Variants in CDH12 observed in about 807,000 individuals in gnomAD.
CDH12 encodes the protein cadherin 12, also known as cadherin-12.
A neutral mutation model predicts 74.1 loss-of-function variants in CDH12; 41 were observed. The observed-to-expected ratio is 0.55, with a 90% CI of 0.43 to 0.72. CDH12 has a LOEUF of 0.72. CDH12 is among the 30% of genes least tolerant of loss of function. The pLI is 0.00. For missense variants in CDH12, 945 were observed against 977.2 expected, an observed-to-expected ratio of 0.97 and a Z score of 0.44; for synonymous variants, 399 against 355.0, an observed-to-expected ratio of 1.12 and a Z score of -1.39.
At chr5:22,281,203 A>G (rs747277570) in intron 3 of CDH12, among the ~76,000 whole-genome samples, 4 of 152,188 alleles carry the variant, frequency 2.6e-5, no homozygotes, top group Admixed American at 2.0e-4. Context: ...TCAATAAATT[A>G]GGTATTGGTG....
At chr5:22,520,921 A>C (rs1737028476) in intron 1 of CDH12, among the ~76,000 whole-genome samples, 1 of 151,782 alleles carries the variant, frequency 6.6e-6, no homozygotes, top group African/African-American at 2.4e-5. Context: ...AATCCTCTTT[A>C]GATGTTTTTA....
chr5:22,245,514 T>G (rs1260088936), intron 3 of CDH12, among the ~76,000 whole-genome samples: 1 of 151,948 alleles, frequency 6.6e-6, no homozygotes, highest in Non-Finnish European at 1.5e-5. Flanking sequence ...ATAGCAGAGA[T>G]AGGGTGGAAT....
At chr5:22,078,375 C>T in intron 5 of CDH12, 71 bp downstream of exon 5, 1 of 1,355,858 alleles carries the variant, frequency 7.4e-7, no homozygotes, top group South Asian at 1.3e-5. Context: ...CTGTGCAAAA[C>T]ATCCATACAA....
intron 3 of CDH12, among the ~76,000 whole-genome samples, chr5:22,347,306 G>A (rs1258808123): frequency 2.0e-5 from 3 of 152,168 alleles, no homozygotes; most frequent in Non-Finnish European, 4.4e-5. Context: ...ATAAAAGCAG[G>A]CAAAAGAACG....
At chr5:22,235,282 T>TA (rs1752522400) in intron 3 of CDH12, among the ~76,000 whole-genome samples, 2 of 151,940 alleles carry the variant, frequency 1.3e-5, no homozygotes, top group African/African-American at 4.8e-5. Context: ...TAACATCAGT[T>TA]AAAAAAACAA....
intron 2 of CDH12, among the ~76,000 whole-genome samples, chr5:22,501,747 A>T (rs573131523): frequency 1.2e-4 from 3 of 24,834 alleles, no homozygotes; most frequent in African/African-American, 3.9e-4. Flanking sequence ...AAAGTATATT[A>T]AAAAAAAAAA....
chr5:22,722,660 T>C (rs1743959704), intron 1 of CDH12, among the ~76,000 whole-genome samples: 1 of 152,216 alleles, frequency 6.6e-6, no homozygotes. Flanking sequence ...TCTTGCCAAA[T>C]ATGCGTACAC....
chr5:22,850,409 G>A lies in CDH12; in HGVS notation c.-523+2649C>T, dbSNP rs184837141. The stretch of plus-strand genomic sequence containing the variant: ...TAAATTGTTCAGTTATTCAGTATTA[G>A]CAAAATAAAAAGCTCCCAGTAAAAA... On this transcript the variant is annotated intron_variant, in intron 1 of 14. Transcript: ENST00000382254. Among the ~76,000 whole-genome samples, 944 of 151,974 alleles carry A rather than the reference G, an allele frequency of 6.2e-3. 9 individuals carry two copies. Among genetic ancestry groups the A allele is most frequent in the African/African-American group, 0.021 (874 of 41,484 alleles).
intron 6 of CDH12, among the ~76,000 whole-genome samples, chr5:21,861,467 T>C (rs1015454690): frequency 2.0e-5 from 3 of 152,118 alleles, no homozygotes; most frequent in Non-Finnish European, 4.4e-5. Flanking sequence ...TTACAATTTG[T>C]AATGACGATT....
chr5:22,218,744 G>T (rs1205527965), intron 3 of CDH12, among the ~76,000 whole-genome samples: 2 of 151,558 alleles, frequency 1.3e-5, no homozygotes, highest in Non-Finnish European at 3.0e-5. Context: ...CCTCAATAAA[G>T]TTGCACAAAA....
At chr5:22,077,272 C>T (rs901523836) in intron 5 of CDH12, among the ~76,000 whole-genome samples, 1 of 152,060 alleles carries the variant, frequency 6.6e-6, no homozygotes, top group African/African-American at 2.4e-5. Flanking sequence ...AAGAACTTTT[C>T]CACTGTATAA....
chr5:22,382,886 A>G (rs967456873), intron 3 of CDH12, among the ~76,000 whole-genome samples: 19 of 152,078 alleles, frequency 1.2e-4, no homozygotes, highest in Non-Finnish European at 2.4e-4. Context: ...GCTGTAGTGC[A>G]ATGGCGCAAT....
At chr5:22,059,332 CTATCATCT>C (rs1342434511) in intron 5 of CDH12, among the ~76,000 whole-genome samples, 12 of 147,300 alleles carry the variant, frequency 8.1e-5, no homozygotes, top group South Asian at 2.2e-4. Flanking sequence ...TATCGTCTAT[CTATCATCT>C]ATCTATCTAT....
intron 1 of CDH12, among the ~76,000 whole-genome samples, chr5:22,603,311 T>C (rs898874859): frequency 1.3e-5 from 2 of 152,150 alleles, no homozygotes; most frequent in Non-Finnish European, 2.9e-5. Context: ...GCTAAGATGT[T>C]GGTAAAAATG....
chr5:22,002,645 G>T (rs1378199268), intron 5 of CDH12, among the ~76,000 whole-genome samples: 1 of 151,854 alleles, frequency 6.6e-6, no homozygotes, highest in East Asian at 1.9e-4. Context: ...TGCAAGTATG[G>T]GTATCTTTTA....
chr5:22,728,158 C>A (rs1744257191), intron 1 of CDH12, among the ~76,000 whole-genome samples: 1 of 151,614 alleles, frequency 6.6e-6, no homozygotes. Flanking sequence ...ATTATTTCTT[C>A]ATTTTATCTA....
At chr5:21,883,809 G>C in intron 6 of CDH12, 1 of 1,594,816 alleles carries the variant, frequency 6.3e-7, no homozygotes. Context: ...GCTGAAGTTT[G>C]GTGGGACAAG....
chr5:22,291,647 T>C (rs6880775), intron 3 of CDH12, among the ~76,000 whole-genome samples: 14,260 of 151,862 alleles, frequency 0.094, 700 homozygotes, highest in South Asian at 0.16. Flanking sequence ...ATAAAGGAGG[T>C]AAAAGATCTC....
chr5:22,554,648 G>A (rs954420740), intron 1 of CDH12, among the ~76,000 whole-genome samples: 1 of 152,042 alleles, frequency 6.6e-6, no homozygotes, highest in Non-Finnish European at 1.5e-5. Context: ...ATGACTCAGT[G>A]TATCTTTGTC....
Sources: gnomAD v4.1 joint callset for allele counts (sites outside exome capture counted in the v4.1 genomes callset) on GRCh38, gnomAD v4.1.1 for gene constraint, MANE v1.5 for transcripts, NCBI Gene and HGNC (gene_info 2026-07-23, HGNC 2026-07-21) for gene names.